The following MDFIC variants were observed in gnomAD, a reference collection of about 807,000 sequenced individuals.
The protein encoded by MDFIC is MyoD family inhibitor domain containing.
In MDFIC, 17 loss-of-function variants were observed where a neutral mutation model predicts 23.2. That is an observed-to-expected ratio of 0.73 (90% CI 0.50 to 1.10). The LOEUF (loss-of-function observed/expected upper bound fraction) is 1.10, where lower values mean the gene tolerates loss of function less well. Ranked by LOEUF, MDFIC falls within the 50% of genes least tolerant of loss-of-function variation. The pLI is 0.00. For missense variants in MDFIC, 356 were observed against 316.6 expected (o/e 1.12, Z -0.95); for synonymous variants, 120 against 115.2 (o/e 1.04, Z -0.27).
At chr7:114,959,667 C>A (rs942191779) in intron 3 of MDFIC, among the ~76,000 whole-genome samples, 2 of 151,906 alleles carry the variant, frequency 1.3e-5, no homozygotes, top group African/African-American at 4.8e-5. Context: ...GAAATAACTG[C>A]TGAAATTTCA....
chr7:114,990,370 C>CT (rs1793584470), intron 4 of MDFIC, among the ~76,000 whole-genome samples: 1 of 150,780 alleles, frequency 6.6e-6, no homozygotes, highest in Non-Finnish European at 1.5e-5. Flanking sequence ...TTTCTTTATA[C>CT]TTTAAGTTCT....
intron 2 of MDFIC, 39 bp from the exon 3 acceptor site, chr7:114,942,236 A>G (rs760145262): frequency 1.8e-5 from 23 of 1,250,124 alleles, no homozygotes; most frequent in Non-Finnish European, 2.4e-5. Flanking sequence ...AGAAAAATAT[A>G]TAAAATCAAT....
At chr7:114,997,833 A>G (rs1291635815) in intron 4 of MDFIC, among the ~76,000 whole-genome samples, 1 of 151,956 alleles carries the variant, frequency 6.6e-6, no homozygotes, top group Non-Finnish European at 1.5e-5. Context: ...AAGAAAAGAG[A>G]AAGAGAAAAG....
intron 4 of MDFIC, among the ~76,000 whole-genome samples, chr7:114,996,215 C>T (rs945140140): frequency 1.3e-5 from 2 of 152,144 alleles, no homozygotes; most frequent in African/African-American, 4.8e-5. Context: ...GCGAGACCTG[C>T]CATGACACCA....
At chr7:114,987,400 C>T (rs996727547) in intron 4 of MDFIC, among the ~76,000 whole-genome samples, 1 of 152,068 alleles carries the variant, frequency 6.6e-6, no homozygotes, top group Non-Finnish European at 1.5e-5. Context: ...ATGATATGAC[C>T]ATAAAGTTAT....
chr7:114,982,880 C>T (rs189601832), intron 4 of MDFIC, among the ~76,000 whole-genome samples: 171 of 152,232 alleles, frequency 1.1e-3, no homozygotes, highest in Middle Eastern at 3.4e-3. Context: ...AAGGGAGGAG[C>T]GTGTGTTCTC....
Position 115,016,298 on chromosome 7 carries a change from C to T in MDFIC, c.*363C>T, listed in dbSNP as rs545319503. 17 of 225,086 alleles carry T rather than the reference C, an allele frequency of 7.6e-5. No individual in the cohort carries two copies. Among genetic ancestry groups the T allele is most frequent in the East Asian group, 1.2e-4 (1 of 8,038 alleles). 13.9% of individuals were successfully genotyped at this position (225,086 alleles called of 1,614,324 possible). On this transcript the variant is annotated 3_prime_UTR_variant, in exon 5 of 5. Coordinates refer to ENST00000393486, the MANE Select transcript of MDFIC (RefSeq NM_001166345.3). ...TATTATTTTTCAGTGTGTATTTAAA[C>T]GAGGCAGTTTATTTTGATATGTATC...
At chr7:114,985,568 G>A (rs1585113972) in intron 4 of MDFIC, among the ~76,000 whole-genome samples, 1 of 151,710 alleles carries the variant, frequency 6.6e-6, no homozygotes, top group African/African-American at 2.4e-5. Context: ...TTGTTGTACA[G>A]ATTATTTCAT....
Position 115,014,484 on chromosome 7 carries a change from G to T in MDFIC, c.494-1204G>T, listed in dbSNP as rs192280584. On this transcript the variant is annotated intron_variant, in intron 4 of 4. Transcript: ENST00000393486. ...TCAGTTTGCTGACACTCCATCGAAGGCACTTAATTTTAATGCCAAATACAG... is the reference window on the plus strand; with the variant it reads ...TCAGTTTGCTGACACTCCATCGAAGTCACTTAATTTTAATGCCAAATACAG... 6.6e-5 allele frequency: 85 copies of T among 1,289,700 alleles called. No individual in the cohort carries two copies. The East Asian group carries it at 2.4e-3, about 37-fold the overall frequency. 79.9% of individuals were successfully genotyped at this position (1,289,700 alleles called of 1,614,324 possible). A position where few individuals can be genotyped will look rare whatever the true frequency, so the allele number is the denominator to read the frequency against.
intron 3 of MDFIC, among the ~76,000 whole-genome samples, chr7:114,975,869 TAAAA>T (rs972445265): frequency 1.3e-5 from 2 of 152,054 alleles, no homozygotes; most frequent in Non-Finnish European, 2.9e-5. Context: ...ATTTTAATGT[TAAAA>T]AAACTAGAGT....
chr7:114,954,500 A>G (rs1792848481), intron 3 of MDFIC, among the ~76,000 whole-genome samples: 1 of 152,216 alleles, frequency 6.6e-6, no homozygotes, highest in Non-Finnish European at 1.5e-5. Context: ...TATGTAATGG[A>G]AGGATTAATT....
intron 4 of MDFIC, among the ~76,000 whole-genome samples, chr7:115,015,413 T>G (rs894224537): frequency 4.6e-5 from 7 of 152,092 alleles, no homozygotes; most frequent in African/African-American, 1.7e-4. Context: ...CCAAGGGTCA[T>G]TGCACAGTTT....
chr7:114,972,501 A>T (rs1490353750), intron 3 of MDFIC, among the ~76,000 whole-genome samples: 1 of 152,174 alleles, frequency 6.6e-6, no homozygotes, highest in Non-Finnish European at 1.5e-5. Context: ...AATTTTACAT[A>T]ATGGTCTTCA....
intron 4 of MDFIC, among the ~76,000 whole-genome samples, chr7:114,980,899 A>C (rs1793405968): frequency 6.6e-6 from 1 of 152,226 alleles, no homozygotes; most frequent in South Asian, 2.1e-4. Flanking sequence ...CAGGTGTCTC[A>C]AACTCAACTG....
chr7:114,983,834 C>A lies in MDFIC; in HGVS notation c.493+4053C>A, dbSNP rs1053441674. Among the ~76,000 whole-genome samples the A allele has an allele frequency of 6.6e-5, 10 of 151,982 alleles. No individual in the cohort carries two copies. In the East Asian group the frequency reaches 9.6e-4, roughly 15 times the overall value. ...GATCCGCCCACCTCGGCATCCCCATCAGGTACTTTTTAAGCGATGTTGATT... is the reference window on the plus strand; with the variant it reads ...GATCCGCCCACCTCGGCATCCCCATAAGGTACTTTTTAAGCGATGTTGATT... On this transcript the variant is annotated intron_variant, in intron 4 of 4. Coordinates refer to ENST00000393486, the MANE Select transcript of MDFIC (RefSeq NM_001166345.3).
intron 1 of MDFIC, 139 bp from the exon 2 acceptor site, chr7:114,922,788 T>G: frequency 1.5e-6 from 2 of 1,304,510 alleles, no homozygotes; most frequent in Non-Finnish European, 2.0e-6. Context: ...GTAACAGTTT[T>G]CTTCGCAAGT....
In MDFIC at chr7:114,978,185, T is replaced by C. The variant is rs962304447; in HGVS notation, c.218-1321T>C. Among the ~76,000 whole-genome samples the C allele has an allele frequency of 2.8e-4, 43 of 152,058 alleles. 1 individual carries two copies. Among genetic ancestry groups the C allele is most frequent in the Admixed American group, 2.8e-3 (42 of 15,246 alleles). Reference sequence around the variant, plus strand: ...TATGCCTGGTCCAATGCTGTACTGCTTTAGGTGCTGTGATAGAAATATCTC... The same window carrying C: ...TATGCCTGGTCCAATGCTGTACTGCCTTAGGTGCTGTGATAGAAATATCTC... On this transcript the variant is annotated intron_variant, in intron 3 of 4. Transcript: ENST00000393486.
intron 2 of MDFIC, among the ~76,000 whole-genome samples, chr7:114,936,958 A>G (rs1186621073): frequency 6.6e-6 from 1 of 152,074 alleles, no homozygotes; most frequent in Non-Finnish European, 1.5e-5. Flanking sequence ...TTGAGTGGCT[A>G]TTATATGGCA....
At chr7:114,964,622 C>A (rs1024794402) in intron 3 of MDFIC, among the ~76,000 whole-genome samples, 10 of 152,024 alleles carry the variant, frequency 6.6e-5, no homozygotes, top group Admixed American at 2.6e-4. Flanking sequence ...ACGATCTTGG[C>A]TCACTGCAAC....
Sources: allele counts gnomAD v4.1 joint callset (sites outside exome capture counted in the v4.1 genomes callset), GRCh38; gene constraint gnomAD v4.1.1; transcripts MANE v1.5; gene names NCBI Gene and HGNC (gene_info 2026-07-23, HGNC 2026-07-21).